The following GSPT1 variants were observed in gnomAD, a reference collection of about 807,000 sequenced individuals.
The protein encoded by GSPT1 is G1 to S phase transition 1, also known as eukaryotic peptide chain release factor GTP-binding subunit ERF3A.
Under a neutral mutation model 72.5 loss-of-function variants are expected in GSPT1, and 20 were observed. The observed-to-expected ratio is 0.28, with a 90% CI of 0.19 to 0.40. GSPT1 has a LOEUF of 0.40. Ranked by LOEUF, GSPT1 falls within the 10% of genes least tolerant of loss-of-function variation. The pLI, the probability that GSPT1 is intolerant of heterozygous loss-of-function variation, is 1.00. For missense variants in GSPT1, 580 were observed against 811.9 expected (o/e 0.71, Z 3.47); for synonymous variants, 334 against 293.5 (o/e 1.14, Z -1.41).
At chr16:11,897,564 G>A (rs953107233) in intron 3 of GSPT1, among the ~76,000 whole-genome samples, 16 of 152,120 alleles carry the variant, frequency 1.1e-4, no homozygotes, top group African/African-American at 3.6e-4. Flanking sequence ...CAGCCTGGGC[G>A]ACAGAGCAAG....
chr16:11,878,464 C>T (rs1157046255), intron 11 of GSPT1, among the ~76,000 whole-genome samples: 2 of 152,016 alleles, frequency 1.3e-5, no homozygotes, highest in East Asian at 1.9e-4. Flanking sequence ...GGGTAGTCCA[C>T]ATGCCTTTAG....
chr16:11,879,109 A>T (rs1002618775), intron 11 of GSPT1, among the ~76,000 whole-genome samples: 4 of 148,494 alleles, frequency 2.7e-5, no homozygotes, highest in African/African-American at 7.4e-5. Flanking sequence ...ATAATAATAA[A>T]AAAAAGGCCG....
chr16:11,873,769 A>T (rs1259213864), intron 14 of GSPT1, among the ~76,000 whole-genome samples: 1 of 151,816 alleles, frequency 6.6e-6, no homozygotes, highest in Non-Finnish European at 1.5e-5. Context: ...TTATATTTTT[A>T]GTAGAGGCAG....
chr16:11,897,835 CT>C lies in GSPT1; in HGVS notation c.436+4del. On this transcript the variant is annotated splice_donor_region_variant and intron_variant, in intron 3 of 14. Transcript: ENST00000434724. ...CTGTATTAATATGGTCAGAAATTTT[CT>C]TACCAATAGGTTCTGAAAGTTCCAT... 6.8e-7 allele frequency: 1 copy of C among 1,478,196 alleles called. No individual in the cohort carries two copies. Among genetic ancestry groups the C allele is most frequent in the Non-Finnish European group, 9.3e-7 (1 of 1,075,114 alleles). The allele number at this position is 1,478,196 out of a possible 1,614,324, so 91.6% of individuals were successfully genotyped here.
intron 1 of GSPT1, among the ~76,000 whole-genome samples, chr16:11,914,638 C>CA (rs2054605205): frequency 6.6e-6 from 1 of 152,158 alleles, no homozygotes. Context: ...GTGTCGCTGA[C>CA]AAAGGATAAA....
In GSPT1 at chr16:11,896,703, A is replaced by G; in HGVS notation, c.519T>C (p.Gly173=). The G allele has an allele frequency of 2.5e-6, 4 of 1,607,742 alleles. No individual in the cohort carries two copies. The highest frequency in any genetic ancestry group is 3.4e-6 in the Non-Finnish European group (4 of 1,176,972). The change falls in exon 4 of 15, where the codon GGT becomes GGC. Residue 173 remains glycine (G), a synonymous_variant. Coordinates refer to ENST00000434724, the MANE Select transcript of GSPT1 (RefSeq NM_002094.4). ...EEISEAEPGG[G]SLGDGRPPEE... ...CTGGCGGCCTTCCATCTCCCAAGGA[A>G]CCACCCCCTGGCTCTGCTTCACTTA...
At chr16:11,899,240 A>G (rs1450933710) in intron 1 of GSPT1, among the ~76,000 whole-genome samples, 2 of 152,200 alleles carry the variant, frequency 1.3e-5, no homozygotes, top group African/African-American at 4.8e-5. Context: ...GAGTCAAGAG[A>G]AAGTGTTTTG....
intron 11 of GSPT1, among the ~76,000 whole-genome samples, chr16:11,879,969 T>G (rs1489447610): frequency 6.6e-6 from 1 of 152,178 alleles, no homozygotes; most frequent in Non-Finnish European, 1.5e-5. Flanking sequence ...TTCAGAACTC[T>G]GAAATCTTGT....
chr16:11,903,296 A>G (rs2054440021), intron 1 of GSPT1, among the ~76,000 whole-genome samples: 1 of 152,026 alleles, frequency 6.6e-6, no homozygotes, highest in South Asian at 2.1e-4. Context: ...GGACCACATG[A>G]GGTCAGGAGT....
chr16:11,901,566 C>T (rs2054405938), intron 1 of GSPT1, among the ~76,000 whole-genome samples: 1 of 151,440 alleles, frequency 6.6e-6, no homozygotes. Flanking sequence ...CAAGGAAAAA[C>T]TAAGTTTGAG....
chr16:11,910,537 T>C (rs560236645), intron 1 of GSPT1, among the ~76,000 whole-genome samples: 1 of 152,296 alleles, frequency 6.6e-6, no homozygotes, highest in East Asian at 1.9e-4. Flanking sequence ...TGGAAAAAAA[T>C]TCCATTCCAA....
In GSPT1 at chr16:11,873,009, A is replaced by G. The variant is rs2053995395; in HGVS notation, c.*110T>C. 1.5e-6 allele frequency: 1 copy of G among 650,068 alleles called. No homozygotes were observed. The allele number at this position is 650,068 out of a possible 1,614,324, so 40.3% of individuals were successfully genotyped here. ...TTTTGCTGTGAATTTCCTCTTTGCA[A>G]AATATGGGGAGAGGTTTATCAATGG... On this transcript the variant is annotated 3_prime_UTR_variant, in exon 15 of 15. Transcript: ENST00000434724.
At chr16:11,875,662 C>CTG in intron 14 of GSPT1, 99 bp downstream of exon 14, 1 of 802,734 alleles carries the variant, frequency 1.2e-6, no homozygotes, top group Non-Finnish European at 2.0e-6. Flanking sequence ...TCGAAGTTTT[C>CTG]TGTGAACCTG....
chr16:11,875,706 G>A, intron 14 of GSPT1, 55 bp downstream of exon 14: 2 of 1,317,532 alleles, frequency 1.5e-6, no homozygotes, highest in South Asian at 2.6e-5. Flanking sequence ...TGATGAAGAT[G>A]ACCAAAGCTA....
intron 10 of GSPT1, among the ~76,000 whole-genome samples, chr16:11,883,308 A>G (rs1450436269): frequency 6.6e-6 from 1 of 152,038 alleles, no homozygotes; most frequent in African/African-American, 2.4e-5. Flanking sequence ...CAGTATGCCT[A>G]TAATTTAAAA....
chr16:11,895,950 C>T (rs1348760806), intron 4 of GSPT1, among the ~76,000 whole-genome samples: 1 of 152,158 alleles, frequency 6.6e-6, no homozygotes, highest in Non-Finnish European at 1.5e-5. Flanking sequence ...CAAAAGAGTT[C>T]TTGCTACTAA....
intron 1 of GSPT1, among the ~76,000 whole-genome samples, chr16:11,913,357 G>GT (rs1158571539): frequency 6.6e-6 from 1 of 152,188 alleles, no homozygotes; most frequent in Non-Finnish European, 1.5e-5. Context: ...CACCAAAATA[G>GT]TTTTTTGATT....
At chr16:11,890,718 C>T in intron 6 of GSPT1, 1 of 168,542 alleles carries the variant, frequency 5.9e-6, no homozygotes, top group Non-Finnish European at 1.3e-5. Context: ...GGGATGTTTC[C>T]TGCTTCCCCC....
Position 11,868,564 on chromosome 16 carries a change from T to G in GSPT1, c.*4555A>C, listed in dbSNP as rs1028188022. The G allele has an allele frequency of 6.6e-6, 1 of 152,114 alleles. No individual in the cohort carries two copies. Among genetic ancestry groups the G allele is most frequent in the African/African-American group, 2.4e-5 (1 of 41,392 alleles). The allele number at this position is 152,114 out of a possible 1,614,324, so 9.4% of individuals were successfully genotyped here. ...TTAGACCTCAGTTTCACCTAATGCA[T>G]GTGGAGGAAATGGAGGTGAGAATAG... On this transcript the variant is annotated 3_prime_UTR_variant, in exon 15 of 15. Coordinates refer to ENST00000434724, the MANE Select transcript of GSPT1 (RefSeq NM_002094.4).
Sources: gnomAD v4.1 joint callset for allele counts (sites outside exome capture counted in the v4.1 genomes callset) on GRCh38, gnomAD v4.1.1 for gene constraint, MANE v1.5 for transcripts, NCBI Gene and HGNC (gene_info 2026-07-23, HGNC 2026-07-21) for gene names.